The following ERC2 variants were observed in gnomAD, a reference collection of about 807,000 sequenced individuals.
ERC2 encodes ELKS/RAB6-interacting/CAST family member 2.
In ERC2, 42 loss-of-function variants were observed where a neutral mutation model predicts 114.8. The observed-to-expected ratio is 0.37, with a 90% CI of 0.29 to 0.47. The LOEUF (loss-of-function observed/expected upper bound fraction) is 0.47, where lower values mean the gene tolerates loss of function less well. ERC2 is among the 20% of genes least tolerant of loss of function. The probability of loss-of-function intolerance (pLI) is 0.99; values close to 1 mark genes in which losing one functional copy is unlikely to be tolerated. For synonymous variants in ERC2, 454 were observed against 425.5 expected (o/e 1.07, Z -0.82); for missense variants, 939 against 1,150.7 (o/e 0.82, Z 2.66).
chr3:55,737,890 T>G (rs2065739620), intron 14 of ERC2, among the ~76,000 whole-genome samples: 2 of 152,184 alleles, frequency 1.3e-5, no homozygotes, highest in Admixed American at 1.3e-4. Context: ...TACTGCCCCA[T>G]ATAATAGTGT....
chr3:56,439,424 T>A (rs4527348), intron 1 of ERC2, among the ~76,000 whole-genome samples: 5 of 152,098 alleles, frequency 3.3e-5, no homozygotes, highest in Non-Finnish European at 1.5e-5. Context: ...CCAGCCTGGG[T>A]GACAGAGGGA....
intron 16 of ERC2, among the ~76,000 whole-genome samples, chr3:55,688,832 T>C (rs1337132993): frequency 6.6e-6 from 1 of 152,198 alleles, no homozygotes; most frequent in East Asian, 1.9e-4. Flanking sequence ...GTTCTCACTG[T>C]TTTGAATGAC....
intron 7 of ERC2, among the ~76,000 whole-genome samples, chr3:56,058,138 T>C (rs1003990630): frequency 6.6e-6 from 1 of 152,214 alleles, no homozygotes; most frequent in Admixed American, 6.5e-5. Context: ...CTGGTTATAA[T>C]TCCTGATATC....
intron 17 of ERC2, among the ~76,000 whole-genome samples, chr3:55,604,938 C>A (rs1016693930): frequency 6.6e-6 from 1 of 152,122 alleles, no homozygotes; most frequent in Non-Finnish European, 1.5e-5. Context: ...TGGACTCCAT[C>A]TACAGAGATT....
intron 3 of ERC2, among the ~76,000 whole-genome samples, chr3:56,221,238 C>T (rs193150187): frequency 9.7e-4 from 147 of 152,066 alleles, no homozygotes; most frequent in African/African-American, 3.4e-3. Context: ...GTCAGGCTAA[C>T]ATTAGGTACT....
chr3:56,074,119 T>C (rs1387148699), intron 7 of ERC2, among the ~76,000 whole-genome samples: 1 of 152,150 alleles, frequency 6.6e-6, no homozygotes, highest in Non-Finnish European at 1.5e-5. Flanking sequence ...TTAGCTAATC[T>C]GTAAAAGTTA....
intron 17 of ERC2, among the ~76,000 whole-genome samples, chr3:55,568,393 A>G (rs1442399179): frequency 6.6e-6 from 1 of 152,184 alleles, no homozygotes. Flanking sequence ...CTCAAAATTA[A>G]TATGTCCAAA....
At chr3:56,315,280 G>A (rs973128012) in intron 2 of ERC2, among the ~76,000 whole-genome samples, 6 of 152,124 alleles carry the variant, frequency 3.9e-5, no homozygotes, top group Non-Finnish European at 8.8e-5. Flanking sequence ...AAATCTATGT[G>A]AGATAAATGT....
chr3:55,872,328 TG>T (rs1343698624), intron 14 of ERC2, among the ~76,000 whole-genome samples: 2 of 152,158 alleles, frequency 1.3e-5, no homozygotes, highest in Non-Finnish European at 2.9e-5. Context: ...CATATCCGCA[TG>T]GATGCCAGGC....
At chr3:55,664,978 A>T (rs2061300352) in intron 17 of ERC2, among the ~76,000 whole-genome samples, 1 of 152,130 alleles carries the variant, frequency 6.6e-6, no homozygotes, top group African/African-American at 2.4e-5. Context: ...CCTTATAAAT[A>T]ATGGGGATAA....
chr3:56,379,500 T>A (rs1009147632), intron 2 of ERC2, among the ~76,000 whole-genome samples: 2 of 152,174 alleles, frequency 1.3e-5, no homozygotes, highest in Non-Finnish European at 2.9e-5. Flanking sequence ...ACAACTGTAA[T>A]CCCCATTTAC....
intron 2 of ERC2, among the ~76,000 whole-genome samples, chr3:56,313,115 C>A (rs2056689666): frequency 7.6e-6 from 1 of 132,010 alleles, no homozygotes; most frequent in African/African-American, 2.8e-5. Context: ...TCCAGCATAC[C>A]ATAAAAAAGT....
intron 6 of ERC2, among the ~76,000 whole-genome samples, chr3:56,101,682 C>T (rs183443830): frequency 4.3e-4 from 65 of 152,274 alleles, no homozygotes; most frequent in African/African-American, 1.4e-3. Flanking sequence ...TCCAACAACT[C>T]GGGTTTCCTG....
intron 2 of ERC2, among the ~76,000 whole-genome samples, chr3:56,422,768 T>A (rs1248927198): frequency 6.6e-6 from 1 of 152,178 alleles, no homozygotes; most frequent in Non-Finnish European, 1.5e-5. Context: ...GCTCTATTGG[T>A]GAGGCCTCAG....
intron 17 of ERC2, among the ~76,000 whole-genome samples, chr3:55,670,471 G>C (rs1436021844): frequency 6.6e-6 from 1 of 152,210 alleles, no homozygotes; most frequent in Admixed American, 6.5e-5. Context: ...GGAGCTTGAA[G>C]ACTACAGCAG....
chr3:56,094,286 C>T (rs1420194130), intron 6 of ERC2, among the ~76,000 whole-genome samples: 1 of 152,180 alleles, frequency 6.6e-6, no homozygotes, highest in Non-Finnish European at 1.5e-5. Context: ...TTGAGATGCC[C>T]TCTGTGGCTA....
chr3:55,893,050 C>T (rs981927426), intron 13 of ERC2, among the ~76,000 whole-genome samples: 12 of 152,120 alleles, frequency 7.9e-5, no homozygotes, highest in Admixed American at 5.9e-4. Context: ...TGTCCCCTTT[C>T]ACCATGTAGG....
intron 3 of ERC2, among the ~76,000 whole-genome samples, chr3:56,218,355 G>A (rs1410382600): frequency 1.3e-5 from 2 of 150,986 alleles, no homozygotes; most frequent in East Asian, 2.0e-4. Flanking sequence ...TTCTCAAAAG[G>A]AGACATTTAT....
chr3:55,920,623 T>C (rs2065371782), intron 13 of ERC2, among the ~76,000 whole-genome samples: 1 of 152,148 alleles, frequency 6.6e-6, no homozygotes, highest in Admixed American at 6.6e-5. Flanking sequence ...AATAATGGCA[T>C]ACATCAACAT....
Sources: allele counts gnomAD v4.1 joint callset (sites outside exome capture counted in the v4.1 genomes callset), GRCh38; gene constraint gnomAD v4.1.1; transcripts MANE v1.5; gene names NCBI Gene and HGNC (gene_info 2026-07-23, HGNC 2026-07-21).